RAI1: variants seen among roughly 807,000 people sequenced by gnomAD.
RAI1 encodes retinoic acid induced 1.
RAI1 carries 9 observed loss-of-function variants against 123.8 expected under a neutral mutation model. The observed-to-expected ratio is 0.07, with a 90% CI of 0.04 to 0.13. RAI1 has a LOEUF of 0.13. Among genes scored for constraint, RAI1 ranks in the 10% least tolerant of loss-of-function variants. The probability of loss-of-function intolerance (pLI) is 1.00; values close to 1 mark genes in which losing one functional copy is unlikely to be tolerated. For synonymous variants in RAI1, 1,231 were observed against 1,127.3 expected, an observed-to-expected ratio of 1.09 and a Z score of -1.84; for missense variants, 2,256 against 2,545.8, an observed-to-expected ratio of 0.89 and a Z score of 2.45.
Position 17,810,002 on chromosome 17 carries a change from A to T in RAI1, c.*21A>T. ...CGTAGTAATCCACCCCAACGGCCGGAGGAGCCGCCGGAGCCCGCCTGCCCG... is the reference window on the plus strand; with the variant it reads ...CGTAGTAATCCACCCCAACGGCCGGTGGAGCCGCCGGAGCCCGCCTGCCCG... On this transcript the variant is annotated 3_prime_UTR_variant, in exon 6 of 6. Coordinates refer to ENST00000353383, the MANE Select transcript of RAI1 (RefSeq NM_030665.4). This position sits in a 1 kb window ranked among gnomAD's most constrained non-coding sequence, Gnocchi z 4.6. 6.5e-7 allele frequency: 1 copy of T among 1,545,986 alleles called. No individual in the cohort carries two copies. Among genetic ancestry groups the T allele is most frequent in the Non-Finnish European group, 8.7e-7 (1 of 1,146,042 alleles).
At chr17:17,694,734 T>C (rs1269758866) in intron 1 of RAI1, among the ~76,000 whole-genome samples, 11 of 150,356 alleles carry the variant, frequency 7.3e-5, no homozygotes, top group Non-Finnish European at 1.5e-5. Flanking sequence ...GCCCGGGACC[T>C]TCGGGGCGCT....
intron 1 of RAI1, among the ~76,000 whole-genome samples, chr17:17,698,781 T>TAATAAA (rs371688083): frequency 0.015 from 2,301 of 152,306 alleles, 55 homozygotes; most frequent in African/African-American, 0.053. Flanking sequence ...GACTCTGTAG[T>TAATAAA]AATAATACTT....
At position 17,800,186 on chromosome 17, in the gene RAI1, C is replaced by CTCTGTCTCTCTCTG. The variant is rs59561809; in HGVS notation, c.5565+1676_5565+1677insGTCTCTCTCTGTCT. Among the ~76,000 whole-genome samples, 15 of 55,552 alleles carry CTCTGTCTCTCTCTG rather than the reference C, an allele frequency of 2.7e-4. No individual in the cohort carries two copies. Among genetic ancestry groups the CTCTGTCTCTCTCTG allele is most frequent in the Admixed American group, 3.9e-4 (2 of 5,172 alleles). 36.4% of individuals were successfully genotyped at this position (55,552 alleles called of 152,430 possible). ...CTGCTTTCTGTCTCTCTCTGTCTCTCTCTCTCTCTCTCTCTCTCTCTCTCT... is the reference window on the plus strand; with the variant it reads ...CTGCTTTCTGTCTCTCTCTGTCTCTCTCTGTCTCTCTCTGTCTCTCTCTCTCTCTCTCTCTCTCT... On this transcript the variant is annotated intron_variant, in intron 3 of 5. Transcript: ENST00000353383. The surrounding 1 kb of genome is among the most constrained non-coding windows in gnomAD (Gnocchi z 4.7).
At chr17:17,787,677 T>C (rs1032410098) in intron 2 of RAI1, among the ~76,000 whole-genome samples, 2 of 152,184 alleles carry the variant, frequency 1.3e-5, no homozygotes, top group African/African-American at 2.4e-5. Context: ...GGCCTCTTGA[T>C]AGCTGTATCC....
intron 4 of RAI1, among the ~76,000 whole-genome samples, chr17:17,806,260 T>G (rs1338248138): frequency 1.3e-5 from 2 of 152,236 alleles, no homozygotes; most frequent in Admixed American, 6.5e-5. Flanking sequence ...AACTGTTTAG[T>G]GGTGGGACTT....
At chr17:17,751,158 C>G (rs561666760) in intron 2 of RAI1, among the ~76,000 whole-genome samples, 4 of 152,156 alleles carry the variant, frequency 2.6e-5, no homozygotes, top group Non-Finnish European at 5.9e-5. Context: ...GGTGTGTGGC[C>G]AGTGCTAGGA....
chr17:17,696,400 AC>A (rs1181415920), intron 1 of RAI1, among the ~76,000 whole-genome samples: 1 of 150,610 alleles, frequency 6.6e-6, no homozygotes, highest in Non-Finnish European at 1.5e-5. Context: ...TCTTCCCTCA[AC>A]CCCCCCACCA....
chr17:17,709,184 G>A (rs1391448053), intron 1 of RAI1, among the ~76,000 whole-genome samples: 2 of 152,204 alleles, frequency 1.3e-5, no homozygotes, highest in Non-Finnish European at 1.5e-5. Context: ...TGTGCTGAGA[G>A]ACCCCAAGGA....
rs115423576 is a variant in RAI1, at chr17:17,715,041, C to T, written c.-148-8987C>T. Among the ~76,000 whole-genome samples the T allele has an allele frequency of 1.7e-3, 263 of 152,360 alleles. 2 individuals carry two copies. Among genetic ancestry groups the T allele is most frequent in the African/African-American group, 6.0e-3 (250 of 41,582 alleles). ...CAGTCCTTCATCTCAGCTCTGGAAA[C>T]GGGTTCAGAGAGGGTGTAGAACTGC... On this transcript the variant is annotated intron_variant, in intron 1 of 5. Coordinates refer to ENST00000353383, the MANE Select transcript of RAI1 (RefSeq NM_030665.4).
At chr17:17,717,289 G>A (rs575370209) in intron 1 of RAI1, among the ~76,000 whole-genome samples, 1 of 152,296 alleles carries the variant, frequency 6.6e-6, no homozygotes, top group African/African-American at 2.4e-5. Flanking sequence ...ACAAGGGGCA[G>A]AGAGAAGAAA....
At chr17:17,730,558 C>T (rs896681135) in intron 2 of RAI1, among the ~76,000 whole-genome samples, 19 of 152,266 alleles carry the variant, frequency 1.2e-4, no homozygotes, top group African/African-American at 3.4e-4. Context: ...TCACCTAATT[C>T]AGCAGCACCC....
rs2032330000 is a variant in RAI1 at position 17,798,105 on chromosome 17, C to A, written c.5157C>A (p.Leu1719=). 6.2e-7 allele frequency: 1 copy of A among 1,613,856 alleles called. No individual in the cohort carries two copies. The highest frequency in any genetic ancestry group is 1.7e-5 in the Admixed American group (1 of 60,008). Residue 1719 remains leucine, a synonymous_variant, in exon 3 of 6, where the codon CTC becomes CTA. Coordinates refer to ENST00000353383, the MANE Select transcript of RAI1 (RefSeq NM_030665.4). ...GCCTCCCCAAAAAGAAGCCAAAACT[C>A]AAGGAGAAGGTGCGGCCAGAAGGCA... The part of the protein sequence containing the change: ...EHCLPKKKPK[L]KEKVRPEGTC...
chr17:17,709,007 G>A (rs1026629561), intron 1 of RAI1, among the ~76,000 whole-genome samples: 1 of 152,222 alleles, frequency 6.6e-6, no homozygotes, highest in African/African-American at 2.4e-5. Flanking sequence ...AGTGGGCCAG[G>A]ACATGCCGCT....
intron 1 of RAI1, among the ~76,000 whole-genome samples, chr17:17,710,832 G>T (rs2142904727): frequency 6.6e-6 from 1 of 152,364 alleles, no homozygotes; most frequent in East Asian, 1.9e-4. Flanking sequence ...CAGAGGCCCA[G>T]AGAGGGCCGT....
rs1020463513 is a variant in RAI1, at chr17:17,799,786, C to T, written c.5565+1273C>T. 3.3e-5 allele frequency among the ~76,000 whole-genome samples: 5 copies of T among 152,208 alleles called. No individual in the cohort carries two copies. Among genetic ancestry groups the T allele is most frequent in the Non-Finnish European group, 7.3e-5 (5 of 68,032 alleles). Reference sequence around the variant, plus strand: ...TTCGCCCCTCCCCCTGCCCAGCCTCCTCCCCCGTCGCTGCACTGCCCACCT... The same window carrying T: ...TTCGCCCCTCCCCCTGCCCAGCCTCTTCCCCCGTCGCTGCACTGCCCACCT... On this transcript the variant is annotated intron_variant, in intron 3 of 5. Transcript: ENST00000353383. This position sits in a 1 kb window ranked among gnomAD's most constrained non-coding sequence, Gnocchi z 4.5.
intron 2 of RAI1, among the ~76,000 whole-genome samples, chr17:17,738,615 G>A (rs1423629114): frequency 1.3e-5 from 2 of 152,208 alleles, no homozygotes; most frequent in Non-Finnish European, 2.9e-5. Context: ...CCACCCCTCC[G>A]TGAGCTTCTC....
At chr17:17,773,073 G>GTGGATGGA (rs1172543704) in intron 2 of RAI1, among the ~76,000 whole-genome samples, 2,768 of 92,494 alleles carry the variant, frequency 0.03, 146 homozygotes, top group African/African-American at 0.11. Flanking sequence ...GGGTGGGTGG[G>GTGGATGGA]TGGATGGATG....
intron 2 of RAI1, among the ~76,000 whole-genome samples, chr17:17,773,959 A>G (rs1425434388): frequency 6.6e-6 from 1 of 152,190 alleles, no homozygotes; most frequent in Non-Finnish European, 1.5e-5. Flanking sequence ...ATTTAACTGC[A>G]TCTATAATCT....
intron 2 of RAI1, among the ~76,000 whole-genome samples, chr17:17,741,091 G>GCACACA (rs773544376): frequency 1.4e-4 from 17 of 120,000 alleles, no homozygotes; most frequent in African/African-American, 3.7e-4. Context: ...AAGCGCGCGC[G>GCACACA]CACACACACA....
Sources: gnomAD v4.1 joint callset for allele counts (sites outside exome capture counted in the v4.1 genomes callset) on GRCh38, gnomAD v4.1.1 for gene constraint, Gnocchi (gnomAD v3.1) non-coding constraint, MANE v1.5 for transcripts, NCBI Gene and HGNC (gene_info 2026-07-23, HGNC 2026-07-21) for gene names.